ST3GAL3: variants seen among roughly 807,000 people sequenced by gnomAD.
ST3GAL3 encodes the protein ST3 beta-galactoside alpha-2,3-sialyltransferase 3.
In ST3GAL3, 21 loss-of-function variants were observed where a neutral mutation model predicts 50.1. That is an observed-to-expected ratio of 0.42 (90% CI 0.30 to 0.60). The LOEUF (loss-of-function observed/expected upper bound fraction) is 0.60. Among genes scored for constraint, ST3GAL3 ranks in the 20% least tolerant of loss-of-function variants. ST3GAL3 has a pLI of 0.19. For synonymous variants in ST3GAL3, 183 were observed against 190.0 expected, an observed-to-expected ratio of 0.96 and a Z score of 0.30; for missense variants, 353 against 489.4, an observed-to-expected ratio of 0.72 and a Z score of 2.63.
intron 4 of ST3GAL3, among the ~76,000 whole-genome samples, chr1:43,817,748 TTCC>T (rs896212591): frequency 6.9e-5 from 3 of 43,318 alleles, no homozygotes; most frequent in Non-Finnish European, 1.8e-4. Flanking sequence ...CTCCTCCTTC[TTCC>T]TCCTCTTCTT....
chr1:43,789,983 TAAA>T lies in ST3GAL3; in HGVS notation c.119-2115_119-2113del, dbSNP rs2057845728. Among the ~76,000 whole-genome samples the T allele has an allele frequency of 3.3e-5, 5 of 152,302 alleles. No individual in the cohort carries two copies. The South Asian group carries it at 1.0e-3, about 32-fold the overall frequency. On this transcript the variant is annotated intron_variant, in intron 2 of 11. Transcript: ENST00000347631. ...GTCCTGATTGTGATTCTACATTTTG[TAAA>T]AAAGTGGCAACCCTACCTTTTTCTT...
intron 2 of ST3GAL3, among the ~76,000 whole-genome samples, chr1:43,745,609 TA>T (rs1422979177): frequency 6.6e-6 from 1 of 152,218 alleles, no homozygotes; most frequent in African/African-American, 2.4e-5. Context: ...ATTTTTACTG[TA>T]GCTTTTCTAT....
At chr1:43,735,962 G>A (rs1331231489) in intron 1 of ST3GAL3, among the ~76,000 whole-genome samples, 3 of 152,180 alleles carry the variant, frequency 2.0e-5, no homozygotes, top group Non-Finnish European at 4.4e-5. Flanking sequence ...AAAATATCTG[G>A]GAGGCTGGAA....
chr1:43,929,643 C>A (rs1234946696), intron 11 of ST3GAL3, among the ~76,000 whole-genome samples: 2 of 152,204 alleles, frequency 1.3e-5, no homozygotes, highest in Non-Finnish European at 2.9e-5. Flanking sequence ...TCTCCGCAGG[C>A]CCCATAGCTC....
At chr1:43,735,205 T>G (rs1677868026) in intron 1 of ST3GAL3, among the ~76,000 whole-genome samples, 1 of 152,174 alleles carries the variant, frequency 6.6e-6, no homozygotes, top group South Asian at 2.1e-4. Context: ...GAATGGCTCT[T>G]TAAAGATATC....
At chr1:43,733,321 G>A (rs1397297453) in intron 1 of ST3GAL3, among the ~76,000 whole-genome samples, 2 of 152,084 alleles carry the variant, frequency 1.3e-5, no homozygotes, top group African/African-American at 4.8e-5. Context: ...GTGTACAAAG[G>A]GAAAAGTAAA....
chr1:43,829,966 A>T (rs2154190934), intron 4 of ST3GAL3, among the ~76,000 whole-genome samples: 1 of 150,920 alleles, frequency 6.6e-6, no homozygotes, highest in Middle Eastern at 3.4e-3. Context: ...CATATATTGC[A>T]AAGCAACCCA....
At position 43,838,327 on chromosome 1, in the gene ST3GAL3, T is replaced by G; in HGVS notation, c.302+16T>G. On this transcript the variant is annotated intron_variant, in intron 5 of 11. Transcript: ENST00000347631. The stretch of plus-strand genomic sequence containing the variant: ...TCTTCCCCCGGTAAGTGCTCCTGTT[T>G]CCCTCCACTGCCTAGACAGCCTGGT... 1 of 1,610,750 alleles carries G rather than the reference T, an allele frequency of 6.2e-7. No homozygotes were observed. The highest frequency in any genetic ancestry group is 2.2e-5 in the East Asian group (1 of 44,814).
chr1:43,885,430 C>G (rs1458202123), intron 5 of ST3GAL3, among the ~76,000 whole-genome samples: 1 of 152,060 alleles, frequency 6.6e-6, no homozygotes, highest in East Asian at 1.9e-4. Flanking sequence ...CCTGAGGCTG[C>G]CTCGCGTGCC....
chr1:43,838,205 TTC>T lies in ST3GAL3; in HGVS notation c.210-10_210-9del. 6.2e-7 allele frequency: 1 copy of T among 1,608,976 alleles called. No individual in the cohort carries two copies. Among genetic ancestry groups the T allele is most frequent in the Non-Finnish European group, 8.5e-7 (1 of 1,176,700 alleles). ...AGTGCCTGGCAAGCTGTAACTTTCC[TTC>T]TCTTCCCATAGGCCTGCTGAATTAG... On this transcript the variant is annotated splice_polypyrimidine_tract_variant and intron_variant, in intron 4 of 11. Transcript: ENST00000347631.
At chr1:43,797,414 TG>T (rs1480291492) in intron 3 of ST3GAL3, among the ~76,000 whole-genome samples, 1 of 152,142 alleles carries the variant, frequency 6.6e-6, no homozygotes, top group Non-Finnish European at 1.5e-5. Flanking sequence ...ATGAAATTTT[TG>T]AAGAAACAAT....
intron 2 of ST3GAL3, among the ~76,000 whole-genome samples, chr1:43,778,775 A>C (rs1317030943): frequency 6.8e-6 from 1 of 147,040 alleles, no homozygotes; most frequent in East Asian, 2.0e-4. Flanking sequence ...CCTCCCGAGT[A>C]GCTGGGACTA....
intron 5 of ST3GAL3, among the ~76,000 whole-genome samples, chr1:43,857,141 T>C (rs2068556024): frequency 6.6e-6 from 1 of 152,156 alleles, no homozygotes; most frequent in African/African-American, 2.4e-5. Flanking sequence ...CTACATCTTA[T>C]CCCTTTCTAA....
intron 9 of ST3GAL3, among the ~76,000 whole-genome samples, chr1:43,904,430 G>A (rs966115230): frequency 9.9e-5 from 15 of 151,878 alleles, no homozygotes; most frequent in African/African-American, 3.4e-4. Context: ...CCAGCTCTTC[G>A]AGGATTCTCC....
At chr1:43,734,634 T>C (rs1311913768) in intron 1 of ST3GAL3, among the ~76,000 whole-genome samples, 1 of 152,206 alleles carries the variant, frequency 6.6e-6, no homozygotes, top group Non-Finnish European at 1.5e-5. Flanking sequence ...TAATTGGTTA[T>C]TGCTGGTATG....
At chr1:43,894,609 C>CT in intron 6 of ST3GAL3, 132 bp downstream of exon 6, 2 of 818,862 alleles carry the variant, frequency 2.4e-6, no homozygotes, top group Non-Finnish European at 4.1e-6. Flanking sequence ...CAAATCTTCT[C>CT]TACCTTTTTC....
At chr1:43,835,533 G>A (rs1033038532) in intron 4 of ST3GAL3, among the ~76,000 whole-genome samples, 4 of 152,232 alleles carry the variant, frequency 2.6e-5, no homozygotes, top group East Asian at 1.9e-4. Flanking sequence ...GCCATGGAGA[G>A]AGCAGTATCT....
intron 3 of ST3GAL3, chr1:43,801,439 T>C (rs2059306711): frequency 2.2e-6 from 1 of 452,448 alleles, no homozygotes; most frequent in African/African-American, 2.0e-5. Flanking sequence ...AAGGTGAGGC[T>C]ACAGTAGGAC....
chr1:43,917,482 AATATATAATATATATAATATATT>A (rs1250387919), intron 9 of ST3GAL3, among the ~76,000 whole-genome samples: 16 of 81,158 alleles, frequency 2.0e-4, no homozygotes, highest in East Asian at 3.0e-4. Context: ...TAATATATAT[AATATATAATATATATAATATATT>A]ATATAATATA....
Sources: gnomAD v4.1 joint callset for allele counts (sites outside exome capture counted in the v4.1 genomes callset) on GRCh38, gnomAD v4.1.1 for gene constraint, MANE v1.5 for transcripts, NCBI Gene and HGNC (gene_info 2026-07-23, HGNC 2026-07-21) for gene names.